Variants in DMD observed in about 807,000 individuals in gnomAD.
The protein encoded by DMD is mutant dystrophin.
A neutral mutation model predicts 330.1 loss-of-function variants in DMD; 63 were observed. That is an observed-to-expected ratio of 0.19 (90% CI 0.16 to 0.24). DMD has a LOEUF of 0.24. Among genes scored for constraint, DMD ranks in the 10% least tolerant of loss-of-function variants. The pLI is 1.00. For missense variants in DMD, 3,344 were observed against 2,684.1 expected, an observed-to-expected ratio of 1.25 and a Z score of -5.43; for synonymous variants, 1,223 against 959.8, an observed-to-expected ratio of 1.27 and a Z score of -5.07.
intron 2 of DMD, among the ~76,000 whole-genome samples, chrX:33,008,085 C>T (rs1008782402): frequency 9.0e-6 from 1 of 111,689 alleles, no homozygotes. Flanking sequence ...CACTCATCAC[C>T]TGGCCACAAT....
chrX:32,197,647 T>C (rs771671881), intron 44 of DMD, among the ~76,000 whole-genome samples: 9 of 111,861 alleles, frequency 8.0e-5, no homozygotes, highest in Non-Finnish European at 1.1e-4. Flanking sequence ...TATCTCATGG[T>C]TTCATATGAA....
intron 1 of DMD, among the ~76,000 whole-genome samples, chrX:33,333,711 A>G (rs1015067519): frequency 9.0e-6 from 1 of 111,150 alleles, no homozygotes; most frequent in African/African-American, 3.3e-5. Context: ...CTCCTATGAC[A>G]TGAAAAAAAA....
chrX:32,581,204 C>T (rs771235874), intron 13 of DMD, among the ~76,000 whole-genome samples: 76 of 112,388 alleles, frequency 6.8e-4, no homozygotes, highest in African/African-American at 2.4e-3. Flanking sequence ...CTTGACATCA[C>T]AACTTTTCAT....
intron 44 of DMD, among the ~76,000 whole-genome samples, chrX:32,098,587 T>C (rs1465623312): frequency 8.9e-6 from 1 of 112,075 alleles, no homozygotes; most frequent in Non-Finnish European, 1.9e-5. Context: ...TTTCTACCCA[T>C]GTAATTTTAG....
chrX:32,158,183 A>G (rs1354507861), intron 44 of DMD, among the ~76,000 whole-genome samples: 1 of 110,968 alleles, frequency 9.0e-6, no homozygotes, highest in Non-Finnish European at 1.9e-5. Context: ...GGAATTAATA[A>G]TACCTCATCA....
chrX:31,688,760 G>A (rs1216594284), intron 52 of DMD, among the ~76,000 whole-genome samples: 2 of 111,289 alleles, frequency 1.8e-5, no homozygotes, highest in African/African-American at 3.3e-5. Flanking sequence ...ACATCAAAAA[G>A]CTTATCCACC....
chrX:31,133,322 C>T (rs113797136), intron 77 of DMD, among the ~76,000 whole-genome samples: 4 of 111,122 alleles, frequency 3.6e-5, no homozygotes, highest in African/African-American at 1.3e-4. Flanking sequence ...TGAAGGAAGG[C>T]GAGAGAGTGA....
intron 1 of DMD, among the ~76,000 whole-genome samples, chrX:33,088,783 G>A (rs1036025901): frequency 8.9e-6 from 1 of 112,180 alleles, no homozygotes; most frequent in East Asian, 2.8e-4. Flanking sequence ...GAGTGGCTTG[G>A]AAATTAACTG....
chrX:31,288,153 A>T (rs1759835368), intron 62 of DMD, among the ~76,000 whole-genome samples: 1 of 111,751 alleles, frequency 8.9e-6, no homozygotes, highest in African/African-American at 3.3e-5. Context: ...ACAAAAAAAA[A>T]GTGGGGGCGG....
chrX:31,556,093 C>T (rs1282206021), intron 55 of DMD, among the ~76,000 whole-genome samples: 3 of 110,392 alleles, frequency 2.7e-5, no homozygotes, highest in Non-Finnish European at 3.8e-5. Flanking sequence ...ATTGGCCGGG[C>T]GCAGTGGCTC....
rs763921384 is a variant in DMD, at chrX:31,497,232, A to G, written c.8391-288T>C. Among the ~76,000 whole-genome samples, 3 of 112,252 alleles carry G rather than the reference A, an allele frequency of 2.7e-5. No individual in the cohort carries two copies. The East Asian group carries it at 8.4e-4, about 32-fold the overall frequency. Reference sequence around the variant, plus strand: ...CTTTTCCATACTGTTGTAGTCAACAATTCTTAATATTTCTGGTAGAAAAAA... The same window carrying G: ...CTTTTCCATACTGTTGTAGTCAACAGTTCTTAATATTTCTGGTAGAAAAAA... On this transcript the variant is annotated intron_variant, in intron 56 of 78. Transcript: ENST00000357033.
intron 45 of DMD, 56 bp downstream of exon 45, chrX:31,968,283 G>A (rs920029797): frequency 2.6e-6 from 3 of 1,170,123 alleles, no homozygotes; most frequent in African/African-American, 3.5e-5. Flanking sequence ...TTCTTCTAAA[G>A]AAAGCTTAAA....
chrX:33,338,459 CAAAATAAA>C (rs2148969834), intron 1 of DMD, among the ~76,000 whole-genome samples: 1 of 75,964 alleles, frequency 1.3e-5, no homozygotes, highest in South Asian at 5.9e-4. Flanking sequence ...CATTAAAGGG[CAAAATAAA>C]TAAATAAATA....
intron 16 of DMD, among the ~76,000 whole-genome samples, chrX:32,552,312 G>C (rs189041919): frequency 4.7e-4 from 52 of 111,398 alleles, no homozygotes; most frequent in African/African-American, 1.7e-3. Flanking sequence ...GAGAAATAAG[G>C]CTGCACACCT....
chrX:32,123,243 A>ATATATATATATATATATATATATAT (rs1491535545), intron 44 of DMD, among the ~76,000 whole-genome samples: 3 of 82,892 alleles, frequency 3.6e-5, no homozygotes, highest in Non-Finnish European at 6.9e-5. Flanking sequence ...ATATATATAT[A>ATATATATATATATATATATATATAT]AATGATCAAA....
chrX:33,311,493 T>C (rs1383726037), intron 1 of DMD, among the ~76,000 whole-genome samples: 1 of 110,735 alleles, frequency 9.0e-6, no homozygotes, highest in Non-Finnish European at 1.9e-5. Context: ...TAAAAAATAA[T>C]ATGGTGAAAT....
chrX:31,510,711 A>C (rs3788894), intron 55 of DMD, among the ~76,000 whole-genome samples: 6 of 108,964 alleles, frequency 5.5e-5, no homozygotes, highest in African/African-American at 1.0e-4. Context: ...GGGTTTCACC[A>C]TGTTAGCCAG....
At chrX:32,656,740 C>A (rs1488645685) in intron 9 of DMD, among the ~76,000 whole-genome samples, 1 of 111,776 alleles carries the variant, frequency 8.9e-6, no homozygotes. Flanking sequence ...GGCGGGGACA[C>A]TGACCCCGTG....
chrX:32,232,870 AAG>A (rs936140990), intron 43 of DMD, among the ~76,000 whole-genome samples: 3 of 112,049 alleles, frequency 2.7e-5, no homozygotes, highest in African/African-American at 9.7e-5. Context: ...CTGCCGTAGA[AAG>A]AGAAATAAGC....
Sources: allele counts gnomAD v4.1 joint callset (sites outside exome capture counted in the v4.1 genomes callset), GRCh38; gene constraint gnomAD v4.1.1; transcripts MANE v1.5; gene names NCBI Gene and HGNC (gene_info 2026-07-23, HGNC 2026-07-21).